ATF7IP: variants seen among roughly 807,000 people sequenced by gnomAD.
ATF7IP encodes activating transcription factor 7-interacting protein 1.
A neutral mutation model predicts 106.4 loss-of-function variants in ATF7IP; 23 were observed. That is an observed-to-expected ratio of 0.22 (90% CI 0.16 to 0.31). The LOEUF (loss-of-function observed/expected upper bound fraction) is 0.31. Ranked by LOEUF, ATF7IP falls within the 10% of genes least tolerant of loss-of-function variation. The pLI is 1.00. For synonymous variants in ATF7IP, 542 were observed against 539.0 expected, an observed-to-expected ratio of 1.01 and a Z score of -0.08; for missense variants, 1,334 against 1,524.3, an observed-to-expected ratio of 0.88 and a Z score of 2.08.
At chr12:14,405,698 C>T (rs926372906) in intron 1 of ATF7IP, among the ~76,000 whole-genome samples, 2 of 152,036 alleles carry the variant, frequency 1.3e-5, no homozygotes, top group African/African-American at 4.8e-5. Context: ...GGATTATAGG[C>T]GTGAGCCACT....
At chr12:14,405,815 C>G (rs1247769793) in intron 1 of ATF7IP, among the ~76,000 whole-genome samples, 4 of 152,104 alleles carry the variant, frequency 2.6e-5, no homozygotes, top group Non-Finnish European at 5.9e-5. Context: ...TCCTGGAACT[C>G]TCTAAACTAT....
intron 1 of ATF7IP, among the ~76,000 whole-genome samples, chr12:14,370,158 A>G (rs773503972): frequency 6.6e-6 from 1 of 152,032 alleles, no homozygotes; most frequent in Non-Finnish European, 1.5e-5. Flanking sequence ...GCTGGCTCGA[A>G]CTTCCTACCT....
At chr12:14,436,310 C>T (rs1045132753) in intron 4 of ATF7IP, 59 bp downstream of exon 4, 1 of 1,459,192 alleles carries the variant, frequency 6.9e-7, no homozygotes, top group East Asian at 2.3e-5. Context: ...CTATCTTCTT[C>T]TAGGTTTCTG....
chr12:14,398,071 T>C (rs1330236692), intron 1 of ATF7IP, among the ~76,000 whole-genome samples: 1 of 152,156 alleles, frequency 6.6e-6, no homozygotes, highest in Admixed American at 6.5e-5. Context: ...TTGTTCGTTA[T>C]ATTTACTATG....
chr12:14,490,727 TGTCAGAGGGG>T (rs1944788099), intron 13 of ATF7IP, among the ~76,000 whole-genome samples: 1 of 152,024 alleles, frequency 6.6e-6, no homozygotes, highest in East Asian at 1.9e-4. Flanking sequence ...CAAGGCAGGG[TGTCAGAGGGG>T]AGACACGGGC....
chr12:14,460,473 G>A (rs1371305840), intron 8 of ATF7IP, 22 bp from the exon 9 acceptor site: 3 of 1,584,640 alleles, frequency 1.9e-6, no homozygotes, highest in Non-Finnish European at 2.6e-6. Context: ...TTTAAACTGA[G>A]GCTTCTGTTT....
chr12:14,449,821 C>T (rs1265008447), intron 6 of ATF7IP, among the ~76,000 whole-genome samples: 1 of 151,906 alleles, frequency 6.6e-6, no homozygotes, highest in African/African-American at 2.4e-5. Context: ...ACTTCCCAAT[C>T]CATAAACACA....
chr12:14,424,247 C>T lies in ATF7IP; in HGVS notation c.332C>T (p.Pro111Leu). ...NKQDDDLNCE[P>L]LSPHNITPEP... ...CAGGATGATGATTTAAATTGTGAAC[C>T]TTTGTCTCCCCATAATATAACTCCA... Residue 111 changes from proline to leucine, a missense_variant, in exon 2 of 15, where the codon CCT becomes CTT. By Grantham distance (98) the Pro-to-Leu change is moderately conservative. Around this residue, in one of 10 missense-constraint regions of ATF7IP, gnomAD observed 438 missense variants for 405.3 expected, o/e 1.08. Transcript: ENST00000261168. The T allele has an allele frequency of 6.2e-7, 1 of 1,614,172 alleles. No individual in the cohort carries two copies. Among genetic ancestry groups the T allele is most frequent in the Non-Finnish European group, 8.5e-7 (1 of 1,180,028 alleles).
chr12:14,496,082 T>C (rs1945003278), intron 13 of ATF7IP, 149 bp from the exon 14 acceptor site: 1 of 556,514 alleles, frequency 1.8e-6, no homozygotes, highest in Non-Finnish European at 3.2e-6. Context: ...ATAGCTTGGC[T>C]GAATACGAAC....
chr12:14,489,583 C>A (rs752729080), intron 13 of ATF7IP, among the ~76,000 whole-genome samples: 37 of 152,096 alleles, frequency 2.4e-4, no homozygotes, highest in South Asian at 4.1e-4. Context: ...AGAAACAGCA[C>A]CATATATTGG....
At chr12:14,494,333 A>ATATATATGTGTGTGTG (rs1234871100) in intron 13 of ATF7IP, among the ~76,000 whole-genome samples, 3 of 86,038 alleles carry the variant, frequency 3.5e-5, no homozygotes, top group African/African-American at 4.5e-5. Flanking sequence ...ATATATATAT[A>ATATATATGTGTGTGTG]TGTGTGTGTG....
At chr12:14,386,828 C>A (rs1456018063) in intron 1 of ATF7IP, among the ~76,000 whole-genome samples, 1 of 152,032 alleles carries the variant, frequency 6.6e-6, no homozygotes, top group South Asian at 2.1e-4. Context: ...CTGTGGAATT[C>A]AGTTTGAAAA....
intron 9 of ATF7IP, chr12:14,466,153 A>G (rs764405151): frequency 1.8e-5 from 3 of 162,408 alleles, no homozygotes; most frequent in African/African-American, 4.8e-5. Flanking sequence ...TTTATTGGGA[A>G]CATTTTTGAC....
chr12:14,400,690 C>G (rs1674472717), intron 1 of ATF7IP, among the ~76,000 whole-genome samples: 1 of 151,914 alleles, frequency 6.6e-6, no homozygotes, highest in Non-Finnish European at 1.5e-5. Flanking sequence ...TAGATAGATA[C>G]CTTAAAGGTC....
intron 13 of ATF7IP, among the ~76,000 whole-genome samples, chr12:14,489,093 A>T (rs1046403631): frequency 2.0e-5 from 3 of 152,064 alleles, no homozygotes. Flanking sequence ...TGGTGGAGTG[A>T]CCCCATCCTT....
chr12:14,397,094 G>A (rs1465632598), intron 1 of ATF7IP, among the ~76,000 whole-genome samples: 2 of 152,082 alleles, frequency 1.3e-5, no homozygotes, highest in Non-Finnish European at 2.9e-5. Context: ...TCCGGGAGGC[G>A]GAGGTTGCAG....
At chr12:14,436,521 G>C (rs1289134108) in intron 4 of ATF7IP, among the ~76,000 whole-genome samples, 1 of 152,082 alleles carries the variant, frequency 6.6e-6, no homozygotes, top group African/African-American at 2.4e-5. Flanking sequence ...GTGAAACTCT[G>C]ACTCTACTAA....
intron 1 of ATF7IP, among the ~76,000 whole-genome samples, chr12:14,417,658 T>C (rs1177437454): frequency 6.6e-6 from 1 of 152,178 alleles, no homozygotes; most frequent in Non-Finnish European, 1.5e-5. Flanking sequence ...TTTCTTGAAA[T>C]GTTCATGGAT....
Position 14,464,836 on chromosome 12 carries a change from AG to A in ATF7IP, c.2798-1689del, listed in dbSNP as rs1943768640. Among the ~76,000 whole-genome samples, 6 of 152,346 alleles carry A rather than the reference AG, an allele frequency of 3.9e-5. No homozygotes were observed. The South Asian group carries it at 1.2e-3, about 32-fold the overall frequency. On this transcript the variant is annotated intron_variant, in intron 9 of 14. Transcript: ENST00000261168. ...AAGAGAGAATCATGCTGGGTAACAA[AG>A]AAATGTGTGTGTAACATTTTATTAA...
Sources: gnomAD v4.1 joint callset for allele counts (sites outside exome capture counted in the v4.1 genomes callset) on GRCh38, gnomAD v4.1.1 for gene constraint, gnomAD v4.1.1 regional missense constraint, MANE v1.5 for transcripts, NCBI Gene and HGNC (gene_info 2026-07-23, HGNC 2026-07-21) for gene names.